The following COL26A1 variants were observed in gnomAD, a reference collection of about 807,000 sequenced individuals.
COL26A1 encodes collagen alpha-1(XXVI) chain.
A neutral mutation model predicts 59.3 loss-of-function variants in COL26A1; 41 were observed. The ratio of observed to expected loss-of-function variants is 0.69; its 90% CI spans 0.54 to 0.90. The LOEUF (loss-of-function observed/expected upper bound fraction) is 0.90. Ranked by LOEUF, COL26A1 falls within the 40% of genes least tolerant of loss-of-function variation. COL26A1 has a pLI of 0.00. For missense variants in COL26A1, 612 were observed against 602.3 expected (o/e 1.02, Z -0.17); for synonymous variants, 266 against 256.0 (o/e 1.04, Z -0.37).
intron 9 of COL26A1, among the ~76,000 whole-genome samples, chr7:101,550,608 G>A (rs573595883): frequency 4.6e-5 from 7 of 152,312 alleles, no homozygotes; most frequent in African/African-American, 1.7e-4. Flanking sequence ...GGAGGACCAG[G>A]GAGGCATTTC....
chr7:101,394,035 C>T (rs1200822587), intron 1 of COL26A1, among the ~76,000 whole-genome samples: 1 of 151,926 alleles, frequency 6.6e-6, no homozygotes, highest in Non-Finnish European at 1.5e-5. Context: ...GCGTAAGCCT[C>T]CCAAAGTGCT....
At chr7:101,508,225 A>C (rs1475806275) in intron 3 of COL26A1, among the ~76,000 whole-genome samples, 2 of 152,216 alleles carry the variant, frequency 1.3e-5, no homozygotes, top group African/African-American at 4.8e-5. Context: ...TAACTGTTAC[A>C]AAATTCCTTA....
chr7:101,369,180 G>A (rs1443524114), intron 1 of COL26A1, among the ~76,000 whole-genome samples: 2 of 152,088 alleles, frequency 1.3e-5, no homozygotes, highest in Non-Finnish European at 2.9e-5. Context: ...GCCAAGGTGG[G>A]TGGATCGCTT....
chr7:101,407,826 C>G (rs1373481093), intron 1 of COL26A1, among the ~76,000 whole-genome samples: 1 of 152,126 alleles, frequency 6.6e-6, no homozygotes, highest in African/African-American at 2.4e-5. Flanking sequence ...AGCACCCCTT[C>G]AAAGTTATCA....
intron 2 of COL26A1, among the ~76,000 whole-genome samples, chr7:101,434,144 CTCTT>C (rs202178527): frequency 0.026 from 1,461 of 55,764 alleles, 25 homozygotes; most frequent in East Asian, 0.046. Context: ...TTCTCTGTCT[CTCTT>C]TCTCTCTCGT....
intron 1 of COL26A1, among the ~76,000 whole-genome samples, chr7:101,385,456 C>T (rs933203313): frequency 4.7e-5 from 7 of 150,412 alleles, no homozygotes; most frequent in South Asian, 2.1e-4. Context: ...CTGCAACCTC[C>T]GCAGCCTGGG....
chr7:101,486,387 T>G lies in COL26A1; in HGVS notation c.385+38600T>G, dbSNP rs528136094. On this transcript the variant is annotated intron_variant, in intron 3 of 12. Coordinates refer to ENST00000313669, the MANE Select transcript of COL26A1 (RefSeq NM_001278563.3). The stretch of plus-strand genomic sequence containing the variant: ...CCCCATAGGGAGCTCTGAAGCCCGG[T>G]CTTGGGGTTCACAGGCCAGCCTCAG... Among the ~76,000 whole-genome samples, 19 of 152,136 alleles carry G rather than the reference T, an allele frequency of 1.2e-4. No homozygotes were observed. The South Asian group carries it at 4.0e-3, about 32-fold the overall frequency.
At chr7:101,547,735 T>G (rs568099111) in intron 8 of COL26A1, among the ~76,000 whole-genome samples, 1 of 152,270 alleles carries the variant, frequency 6.6e-6, no homozygotes, top group African/African-American at 2.4e-5. Context: ...GTTTATTCAC[T>G]GATTCATTCA....
chr7:101,389,680 C>T (rs1212908730), intron 1 of COL26A1, among the ~76,000 whole-genome samples: 2 of 152,038 alleles, frequency 1.3e-5, no homozygotes, highest in African/African-American at 2.4e-5. Flanking sequence ...CTCAGCCTCT[C>T]GAGTAGCTGA....
intron 3 of COL26A1, among the ~76,000 whole-genome samples, chr7:101,521,043 A>G (rs35838451): frequency 0.11 from 16,599 of 152,244 alleles, 955 homozygotes; most frequent in Middle Eastern, 0.15. Context: ...ACAACTCTAC[A>G]TGGCTGGGGA....
At chr7:101,483,432 G>A (rs777244159) in intron 3 of COL26A1, among the ~76,000 whole-genome samples, 4 of 151,966 alleles carry the variant, frequency 2.6e-5, no homozygotes, top group Admixed American at 6.6e-5. Context: ...TCCTGACCTC[G>A]TGATCCACCC....
At chr7:101,470,116 T>C (rs1029315290) in intron 3 of COL26A1, among the ~76,000 whole-genome samples, 1 of 151,306 alleles carries the variant, frequency 6.6e-6, no homozygotes, top group Admixed American at 6.6e-5. Flanking sequence ...GTTTTTTTTT[T>C]TTTTTCGAGA....
At chr7:101,517,767 C>A (rs1254433355) in intron 3 of COL26A1, among the ~76,000 whole-genome samples, 1 of 148,712 alleles carries the variant, frequency 6.7e-6, no homozygotes, top group Non-Finnish European at 1.5e-5. Context: ...GCTTCCCCCA[C>A]TGCAGTCAGA....
At chr7:101,491,727 C>T (rs570903797) in intron 3 of COL26A1, among the ~76,000 whole-genome samples, 5 of 152,222 alleles carry the variant, frequency 3.3e-5, no homozygotes, top group Admixed American at 6.5e-5. Context: ...TCACTCTCAT[C>T]GCCATCTTGG....
At chr7:101,422,858 C>G (rs1285344587) in intron 2 of COL26A1, among the ~76,000 whole-genome samples, 1 of 152,178 alleles carries the variant, frequency 6.6e-6, no homozygotes, top group Non-Finnish European at 1.5e-5. Context: ...CCAGGCTGGT[C>G]TTGAACTCCT....
chr7:101,446,402 G>T (rs1793195703), intron 2 of COL26A1, among the ~76,000 whole-genome samples: 1 of 152,164 alleles, frequency 6.6e-6, no homozygotes, highest in South Asian at 2.1e-4. Flanking sequence ...GTTCATGTAA[G>T]ATAACAGCCT....
intron 1 of COL26A1, among the ~76,000 whole-genome samples, chr7:101,384,238 T>TTTTTTTTG (rs1791515945): frequency 7.1e-6 from 1 of 141,074 alleles, no homozygotes; most frequent in African/African-American, 2.8e-5. Context: ...TGGTTTTTTT[T>TTTTTTTTG]TTTTTTTTTT....
intron 2 of COL26A1, among the ~76,000 whole-genome samples, chr7:101,436,641 G>C (rs1792922751): frequency 1.3e-5 from 2 of 152,030 alleles, no homozygotes; most frequent in Admixed American, 6.6e-5. Flanking sequence ...TTGGAGACCA[G>C]AGAGCCAAGA....
chr7:101,535,709 C>T (rs565919039), intron 4 of COL26A1, among the ~76,000 whole-genome samples: 1 of 152,360 alleles, frequency 6.6e-6, no homozygotes, highest in East Asian at 1.9e-4. Flanking sequence ...CCCACCCTTC[C>T]TCCACTCCAT....
Sources: allele counts gnomAD v4.1 joint callset (sites outside exome capture counted in the v4.1 genomes callset), GRCh38; gene constraint gnomAD v4.1.1; transcripts MANE v1.5; gene names NCBI Gene and HGNC (gene_info 2026-07-23, HGNC 2026-07-21).